SERPINI1: variants seen among roughly 807,000 people sequenced by gnomAD.
SERPINI1 encodes the protein neuroserpin.
Under a neutral mutation model 41.1 loss-of-function variants are expected in SERPINI1, and 19 were observed. That is an observed-to-expected ratio of 0.46 (90% CI 0.32 to 0.68). SERPINI1 has a LOEUF of 0.68. Among genes scored for constraint, SERPINI1 ranks in the 30% least tolerant of loss-of-function variants. The pLI is 0.03. For missense variants in SERPINI1, 460 were observed against 479.2 expected (o/e 0.96, Z 0.37); for synonymous variants, 138 against 156.6 (o/e 0.88, Z 0.89).
intron 1 of SERPINI1, among the ~76,000 whole-genome samples, chr3:167,741,488 T>C (rs1344225427): frequency 6.6e-6 from 1 of 152,208 alleles, no homozygotes; most frequent in Non-Finnish European, 1.5e-5. Context: ...ATTGGATTGC[T>C]TCTGTCATTT....
intron 1 of SERPINI1, among the ~76,000 whole-genome samples, chr3:167,765,281 A>G (rs1726522800): frequency 1.3e-5 from 2 of 152,232 alleles, no homozygotes; most frequent in African/African-American, 4.8e-5. Context: ...GCGTTTGCAT[A>G]CATCTTCTGA....
intron 1 of SERPINI1, among the ~76,000 whole-genome samples, chr3:167,784,479 G>A (rs1463741835): frequency 2.6e-5 from 4 of 152,094 alleles, no homozygotes; most frequent in Non-Finnish European, 5.9e-5. Flanking sequence ...GTTCTCACAC[G>A]GCTATGAAGA....
chr3:167,798,498 G>A (rs958257432), intron 5 of SERPINI1, among the ~76,000 whole-genome samples: 7 of 152,128 alleles, frequency 4.6e-5, no homozygotes, highest in African/African-American at 1.2e-4. Flanking sequence ...CTAAATGTTT[G>A]ATAATGGTAA....
intron 1 of SERPINI1, among the ~76,000 whole-genome samples, chr3:167,747,651 C>G (rs1725902381): frequency 6.6e-6 from 1 of 151,968 alleles, no homozygotes; most frequent in African/African-American, 2.4e-5. Flanking sequence ...CTCAAAACAA[C>G]AACAACAACA....
At chr3:167,801,116 C>T (rs543364605) in intron 5 of SERPINI1, among the ~76,000 whole-genome samples, 2 of 152,320 alleles carry the variant, frequency 1.3e-5, no homozygotes, top group South Asian at 2.1e-4. Context: ...CTGCACCCGG[C>T]CCTGATTTTG....
At chr3:167,748,404 T>C (rs1035617118) in intron 1 of SERPINI1, among the ~76,000 whole-genome samples, 1 of 152,156 alleles carries the variant, frequency 6.6e-6, no homozygotes, top group Admixed American at 6.5e-5. Context: ...TTTATATTGA[T>C]AAAGGTGTAA....
At chr3:167,786,507 CAAAAA>C (rs71176662) in intron 1 of SERPINI1, among the ~76,000 whole-genome samples, 2 of 75,202 alleles carry the variant, frequency 2.7e-5, no homozygotes, top group African/African-American at 5.0e-5. Context: ...GACTCCGTCT[CAAAAA>C]AAAAAAAAAA....
intron 1 of SERPINI1, among the ~76,000 whole-genome samples, chr3:167,766,547 G>C (rs1726574341): frequency 6.6e-6 from 1 of 152,210 alleles, no homozygotes; most frequent in Admixed American, 6.5e-5. Context: ...CCATATCAGT[G>C]AGGAAGGCAT....
intron 1 of SERPINI1, among the ~76,000 whole-genome samples, chr3:167,786,205 A>G (rs11923071): frequency 0.012 from 1,761 of 152,236 alleles, 42 homozygotes; most frequent in African/African-American, 0.04. Context: ...ACAAGATATA[A>G]GACTTGGAGA....
At chr3:167,768,325 T>C (rs1372400797) in intron 1 of SERPINI1, among the ~76,000 whole-genome samples, 1 of 152,240 alleles carries the variant, frequency 6.6e-6, no homozygotes, top group African/African-American at 2.4e-5. Flanking sequence ...CTTATTTTTT[T>C]AGACATAATG....
At chr3:167,742,555 T>G (rs1725713537) in intron 1 of SERPINI1, among the ~76,000 whole-genome samples, 1 of 152,164 alleles carries the variant, frequency 6.6e-6, no homozygotes, top group Non-Finnish European at 1.5e-5. Flanking sequence ...GTCTTTCTCT[T>G]TTAATCAGGA....
intron 1 of SERPINI1, among the ~76,000 whole-genome samples, chr3:167,741,695 A>C (rs1725681928): frequency 6.6e-6 from 1 of 152,242 alleles, no homozygotes; most frequent in Non-Finnish European, 1.5e-5. Flanking sequence ...GCAATTTAGA[A>C]TCATTGAAGC....
chr3:167,767,453 C>T (rs892282585), intron 1 of SERPINI1, among the ~76,000 whole-genome samples: 2 of 152,198 alleles, frequency 1.3e-5, no homozygotes, highest in African/African-American at 2.4e-5. Context: ...CTGGAATCCA[C>T]TCTGCAGCCC....
chr3:167,776,566 A>C (rs769219655), intron 1 of SERPINI1, among the ~76,000 whole-genome samples: 4 of 152,172 alleles, frequency 2.6e-5, no homozygotes, highest in Non-Finnish European at 5.9e-5. Flanking sequence ...TAATGCTACT[A>C]ATTTTTCTCT....
intron 1 of SERPINI1, among the ~76,000 whole-genome samples, chr3:167,762,284 C>T (rs949885807): frequency 6.6e-6 from 1 of 152,100 alleles, no homozygotes; most frequent in Non-Finnish European, 1.5e-5. Context: ...ACCACTCCTG[C>T]AGTGCCCTTC....
At chr3:167,786,300 C>T (rs1168667071) in intron 1 of SERPINI1, among the ~76,000 whole-genome samples, 2 of 151,712 alleles carry the variant, frequency 1.3e-5, no homozygotes, top group Non-Finnish European at 2.9e-5. Flanking sequence ...GTCAGGAGTT[C>T]GAGACCAGTC....
At chr3:167,807,510 T>C (rs1018330976) in intron 6 of SERPINI1, among the ~76,000 whole-genome samples, 169 bp downstream of exon 6, 4 of 152,206 alleles carry the variant, frequency 2.6e-5, no homozygotes, top group African/African-American at 7.2e-5. Flanking sequence ...ACTATAGATA[T>C]AGTCTTAACA....
rs138593623 is a variant in SERPINI1, at chr3:167,825,277, A to G, written c.1187A>G (p.His396Arg). The change falls in exon 9 of 9, where the codon CAT becomes CGT. Residue 396 changes from histidine to arginine, a missense_variant. By Grantham distance (29) the His-to-Arg change is conservative. Coordinates refer to ENST00000446050, the MANE Select transcript of SERPINI1 (RefSeq NM_001122752.2). ...ATTCTATTCATGGGACGAGTCATGC[A>G]TCCTGAAACAATGAACACAAGTGGA... ...GTILFMGRVM[H>R]PETMNTSGHD... is the part of the protein sequence containing the mutation. 3 of 1,613,570 alleles carry G rather than the reference A, an allele frequency of 1.9e-6. No homozygotes were observed. The highest frequency in any genetic ancestry group is 1.3e-5 in the African/African-American group (1 of 74,938).
At chr3:167,765,645 G>A (rs1726537853) in intron 1 of SERPINI1, among the ~76,000 whole-genome samples, 1 of 152,212 alleles carries the variant, frequency 6.6e-6, no homozygotes, top group Non-Finnish European at 1.5e-5. Flanking sequence ...GATTTCTTCA[G>A]CTGGCTTGAA....
Sources: allele counts gnomAD v4.1 joint callset (sites outside exome capture counted in the v4.1 genomes callset), GRCh38; gene constraint gnomAD v4.1.1; transcripts MANE v1.5; gene names NCBI Gene and HGNC (gene_info 2026-07-23, HGNC 2026-07-21).